USP25: variants seen among roughly 807,000 people sequenced by gnomAD.
The protein encoded by USP25 is ubiquitin carboxyl-terminal hydrolase 25.
A neutral mutation model predicts 158.5 loss-of-function variants in USP25; 85 were observed. The ratio of observed to expected loss-of-function variants is 0.54; its 90% CI spans 0.45 to 0.64. The LOEUF (loss-of-function observed/expected upper bound fraction) is 0.64. Among genes scored for constraint, USP25 ranks in the 30% least tolerant of loss-of-function variants. The pLI is 0.00. For missense variants in USP25, 1,242 were observed against 1,327.3 expected (o/e 0.94, Z 1.00); for synonymous variants, 464 against 460.4 (o/e 1.01, Z -0.10).
chr21:15,799,126 GT>G (rs2036005293), intron 5 of USP25, among the ~76,000 whole-genome samples: 1 of 151,112 alleles, frequency 6.6e-6, no homozygotes, highest in African/African-American at 2.4e-5. Context: ...TTAAAGAAAT[GT>G]TCAGTATGAT....
At chr21:15,793,667 C>G (rs886971002) in intron 5 of USP25, among the ~76,000 whole-genome samples, 1 of 151,292 alleles carries the variant, frequency 6.6e-6, no homozygotes. Flanking sequence ...AACCTATAAG[C>G]TTAAAAATTC....
Position 15,818,054 on chromosome 21 carries a change from T to C in USP25, c.932-644T>C, listed in dbSNP as rs150803106. On this transcript the variant is annotated intron_variant, in intron 9 of 25. Coordinates refer to ENST00000400183, the MANE Select transcript of USP25 (RefSeq NM_001283041.3). ...TAGTTCCTAAACATATCAACTTCTT[T>C]ACTGCCTTAAAGTCTTCATCATGCT... 3.6e-3 allele frequency among the ~76,000 whole-genome samples: 546 copies of C among 152,300 alleles called. 2 individuals carry two copies. The highest frequency in any genetic ancestry group is 0.024 in the Middle Eastern group (7 of 294).
chr21:15,775,784 C>G (rs17275497), intron 3 of USP25, among the ~76,000 whole-genome samples: 1 of 134,958 alleles, frequency 7.4e-6, no homozygotes, highest in Admixed American at 8.0e-5. Flanking sequence ...TTCCATGTCT[C>G]GTGTTAGTGC....
intron 19 of USP25, 37 bp downstream of exon 19, chr21:15,847,813 C>A (rs1405747141): frequency 7.2e-7 from 1 of 1,396,682 alleles, no homozygotes; most frequent in Non-Finnish European, 9.9e-7. Context: ...TGCTACTTAA[C>A]TTTTGCTATT....
Position 15,826,497 on chromosome 21 carries a change from C to A in USP25, c.1466+132C>A. The A allele has an allele frequency of 2.0e-6, 2 of 1,025,568 alleles. No individual in the cohort carries two copies. The highest frequency in any genetic ancestry group is 2.8e-6 in the Non-Finnish European group (2 of 711,152). 63.5% of individuals were successfully genotyped at this position (1,025,568 alleles called of 1,614,324 possible). A position where few individuals can be genotyped will look rare whatever the true frequency, so the allele number is the denominator to read the frequency against. On this transcript the variant is annotated intron_variant, in intron 13 of 25. Coordinates refer to ENST00000400183, the MANE Select transcript of USP25 (RefSeq NM_001283041.3). This position sits in a 1 kb window ranked among gnomAD's most constrained non-coding sequence, Gnocchi z 4.8. ...CAGTGAACTCCTAAGAGTAGATTCA[C>A]TTAGAAGACTGTATGTCCTCTGGGA...
At chr21:15,746,060 T>C (rs1046607708) in intron 1 of USP25, among the ~76,000 whole-genome samples, 2 of 152,240 alleles carry the variant, frequency 1.3e-5, no homozygotes, top group African/African-American at 4.8e-5. Context: ...TCTATCCTTA[T>C]GTGGTGCCGT....
intron 4 of USP25, among the ~76,000 whole-genome samples, chr21:15,791,262 A>G (rs565113192): frequency 6.6e-6 from 1 of 152,016 alleles, no homozygotes; most frequent in African/African-American, 2.4e-5. Flanking sequence ...TGTACTTTCT[A>G]TTATATAAAA....
Position 15,826,378 on chromosome 21 carries a change from C to A in USP25, c.1466+13C>A. ...AGACATTACCAAGGTAAAAAGTAAT[C>A]CTGATGCAAGAGACAGTTGTTACCT... On this transcript the variant is annotated intron_variant, in intron 13 of 25. Coordinates refer to ENST00000400183, the MANE Select transcript of USP25 (RefSeq NM_001283041.3). This position sits in a 1 kb window ranked among gnomAD's most constrained non-coding sequence, Gnocchi z 4.8. 1 of 1,613,220 alleles carries A rather than the reference C, an allele frequency of 6.2e-7. No individual in the cohort carries two copies. The highest frequency in any genetic ancestry group is 1.3e-5 in the African/African-American group (1 of 74,996).
intron 18 of USP25, among the ~76,000 whole-genome samples, chr21:15,845,005 G>T (rs890235203): frequency 5.3e-5 from 8 of 152,032 alleles, no homozygotes; most frequent in African/African-American, 1.9e-4. Flanking sequence ...TAAATAGGCT[G>T]CTAGAAATGA....
At chr21:15,854,170 A>G (rs1851057430) in intron 20 of USP25, among the ~76,000 whole-genome samples, 1 of 151,846 alleles carries the variant, frequency 6.6e-6, no homozygotes, top group South Asian at 2.1e-4. Flanking sequence ...GTTTGAGGCA[A>G]AGTCTCACTC....
At position 15,826,533 on chromosome 21, in the gene USP25, T is replaced by C. The variant is rs1342813821; in HGVS notation, c.1466+168T>C. On this transcript the variant is annotated intron_variant, in intron 13 of 25. Coordinates refer to ENST00000400183, the MANE Select transcript of USP25 (RefSeq NM_001283041.3). This position sits in a 1 kb window ranked among gnomAD's most constrained non-coding sequence, Gnocchi z 4.8. ...GTATGTCCTCTGGGAGTTTTTTTATTATTTCAGTAGATTTTATGGTTATGG... is the reference window on the plus strand; with the variant it reads ...GTATGTCCTCTGGGAGTTTTTTTATCATTTCAGTAGATTTTATGGTTATGG... Among the ~76,000 whole-genome samples the C allele has an allele frequency of 6.6e-6, 1 of 152,220 alleles. No homozygotes were observed. Among genetic ancestry groups the C allele is most frequent in the Non-Finnish European group, 1.5e-5 (1 of 68,032 alleles).
intron 5 of USP25, among the ~76,000 whole-genome samples, chr21:15,796,468 T>C (rs2035866235): frequency 6.6e-6 from 1 of 151,346 alleles, no homozygotes; most frequent in South Asian, 2.1e-4. Flanking sequence ...ATGGATTTTG[T>C]CCTTTAGGCA....
At chr21:15,802,484 A>G (rs984549909) in intron 6 of USP25, among the ~76,000 whole-genome samples, 15 of 151,646 alleles carry the variant, frequency 9.9e-5, no homozygotes, top group Non-Finnish European at 1.9e-4. Context: ...GAAATCAACA[A>G]CAGAAAGATA....
chr21:15,799,711 A>G (rs1367595478), intron 5 of USP25, 46 bp from the exon 6 acceptor site: 9 of 1,333,832 alleles, frequency 6.7e-6, no homozygotes, highest in East Asian at 2.4e-5. Context: ...ACATTCTGCT[A>G]ATGGAATTTT....
At chr21:15,818,577 T>C in intron 9 of USP25, 121 bp from the exon 10 acceptor site, 1 of 820,710 alleles carries the variant, frequency 1.2e-6, no homozygotes, top group Non-Finnish European at 1.8e-6. Context: ...CACTAACACT[T>C]CTCAGGAATG....
intron 14 of USP25, among the ~76,000 whole-genome samples, chr21:15,828,277 C>T (rs2070200448): frequency 6.6e-6 from 1 of 152,138 alleles, no homozygotes; most frequent in Non-Finnish European, 1.5e-5. Flanking sequence ...AAACATTAAT[C>T]AAGCAAATAG....
At chr21:15,810,845 T>G (rs2036622040) in intron 8 of USP25, among the ~76,000 whole-genome samples, 2 of 152,204 alleles carry the variant, frequency 1.3e-5, no homozygotes, top group Non-Finnish European at 2.9e-5. Flanking sequence ...AGCAGGCACT[T>G]TGTGCACAAA....
At chr21:15,750,477 G>A (rs1377292354) in intron 1 of USP25, among the ~76,000 whole-genome samples, 2 of 151,780 alleles carry the variant, frequency 1.3e-5, no homozygotes, top group East Asian at 1.9e-4. Context: ...TGATCCACCC[G>A]CGAAAGGCTC....
At chr21:15,854,097 T>C (rs1223479349) in intron 20 of USP25, among the ~76,000 whole-genome samples, 1 of 152,090 alleles carries the variant, frequency 6.6e-6, no homozygotes. Context: ...ATTTTTGTTC[T>C]TTTTTGTGCT....
Sources: allele counts gnomAD v4.1 joint callset (sites outside exome capture counted in the v4.1 genomes callset), GRCh38; gene constraint gnomAD v4.1.1; non-coding constraint Gnocchi (gnomAD v3.1); transcripts MANE v1.5; gene names NCBI Gene and HGNC (gene_info 2026-07-23, HGNC 2026-07-21).